Variants in GLT1D1 observed in about 807,000 individuals in gnomAD.
The protein encoded by GLT1D1 is glycosyltransferase 1 domain-containing protein 1.
A neutral mutation model predicts 28.7 loss-of-function variants in GLT1D1; 21 were observed. That is an observed-to-expected ratio of 0.73 (90% CI 0.52 to 1.05). GLT1D1 has a LOEUF of 1.05. Ranked by LOEUF, GLT1D1 falls within the 50% of genes least tolerant of loss-of-function variation. The pLI is 0.00. For missense variants in GLT1D1, 343 were observed against 330.6 expected, an observed-to-expected ratio of 1.04 and a Z score of -0.29; for synonymous variants, 147 against 124.8, an observed-to-expected ratio of 1.18 and a Z score of -1.19.
intron 4 of GLT1D1, among the ~76,000 whole-genome samples, chr12:128,914,029 G>C (rs892677): frequency 0.052 from 7,924 of 152,234 alleles, 650 homozygotes; most frequent in African/African-American, 0.18. Context: ...CGATTATGCA[G>C]GTGGATTTTG....
rs772728534 is a variant in GLT1D1, at chr12:128,971,858, C to T, written c.640-11071C>T. Among the ~76,000 whole-genome samples the T allele has an allele frequency of 1.5e-4, 11 of 75,036 alleles. 1 individual carries two copies. The highest frequency in any genetic ancestry group is 5.5e-4 in the Admixed American group (4 of 7,296). The allele number at this position is 75,036 out of a possible 152,430, so 49.2% of individuals were successfully genotyped here. The stretch of plus-strand genomic sequence containing the variant: ...CTCCCTCCCTTCCTCTCTCCCTTCC[C>T]CCCTCCCTCCTCCCTCCCTCCTCTC... On this transcript the variant is annotated intron_variant, in intron 7 of 7. Coordinates refer to ENST00000281703, the MANE Select transcript of GLT1D1 (RefSeq NM_144669.3).
chr12:128,919,938 C>A (rs1872480306), intron 4 of GLT1D1, among the ~76,000 whole-genome samples: 3 of 143,332 alleles, frequency 2.1e-5, no homozygotes, highest in South Asian at 2.3e-4. Context: ...AGTTTTATTG[C>A]TTATTTCTCT....
intron 1 of GLT1D1, among the ~76,000 whole-genome samples, chr12:128,874,725 C>G (rs1407907851): frequency 1.3e-5 from 2 of 152,190 alleles, no homozygotes. Flanking sequence ...CTCAAGCAAT[C>G]TGTCTGCCTC....
intron 4 of GLT1D1, among the ~76,000 whole-genome samples, chr12:128,918,229 G>A (rs902519963): frequency 2.6e-5 from 4 of 152,278 alleles, no homozygotes; most frequent in African/African-American, 7.2e-5. Context: ...AACACCGCAT[G>A]TTCTCAACTT....
At chr12:128,919,050 C>T (rs1258492495) in intron 4 of GLT1D1, among the ~76,000 whole-genome samples, 1 of 152,184 alleles carries the variant, frequency 6.6e-6, no homozygotes, top group Non-Finnish European at 1.5e-5. Flanking sequence ...CAGATAACGG[C>T]TTAAGGGTAG....
intron 1 of GLT1D1, among the ~76,000 whole-genome samples, chr12:128,874,055 CCCTCCTTTCTTT>C (rs1156254387): frequency 6.4e-5 from 4 of 62,976 alleles, no homozygotes; most frequent in South Asian, 9.5e-4. Flanking sequence ...CTCCCTCCCT[CCCTCCTTTCTTT>C]CTTTCTTTCT....
chr12:128,963,794 G>A (rs1306336166), intron 7 of GLT1D1, among the ~76,000 whole-genome samples: 1 of 152,222 alleles, frequency 6.6e-6, no homozygotes, highest in East Asian at 1.9e-4. Flanking sequence ...GTGAAGGAAT[G>A]AAACAGAAAG....
chr12:128,926,237 A>ATAATAATAATAATAAT (rs1402574124), intron 4 of GLT1D1, 122 bp from the exon 7 acceptor site: 8 of 284,518 alleles, frequency 2.8e-5, no homozygotes, highest in African/African-American at 1.9e-4. Flanking sequence ...AATAATAATA[A>ATAATAATAATAATAAT]GAGTAGGAGA....
At chr12:128,924,418 C>T (rs1872973783) in intron 4 of GLT1D1, among the ~76,000 whole-genome samples, 1 of 140,560 alleles carries the variant, frequency 7.1e-6, no homozygotes, top group Non-Finnish European at 1.6e-5. Context: ...CAGAGTGAGA[C>T]TTGGTCTCAA....
chr12:128,868,527 G>T (rs901479300), intron 1 of GLT1D1, among the ~76,000 whole-genome samples: 6 of 152,236 alleles, frequency 3.9e-5, no homozygotes, highest in Non-Finnish European at 8.8e-5. Context: ...TTCTGAAGAT[G>T]TAGAGGACTA....
At chr12:128,937,919 G>A (rs2135472859) in intron 4 of GLT1D1, among the ~76,000 whole-genome samples, 1 of 152,280 alleles carries the variant, frequency 6.6e-6, no homozygotes, top group Middle Eastern at 3.4e-3. Context: ...ATGCAGTCTT[G>A]GATGTGTCTT....
At chr12:128,910,264 C>CTTTT (rs11361008) in intron 4 of GLT1D1, among the ~76,000 whole-genome samples, 82 of 114,250 alleles carry the variant, frequency 7.2e-4, no homozygotes, top group Middle Eastern at 4.5e-3. Flanking sequence ...AAGTTTAACT[C>CTTTT]TTTTTTTTTT....
At chr12:128,972,980 C>A (rs927829949) in intron 7 of GLT1D1, among the ~76,000 whole-genome samples, 3 of 152,058 alleles carry the variant, frequency 2.0e-5, no homozygotes. Flanking sequence ...CACCAGGCTG[C>A]CCCATAGGTC....
At chr12:128,927,489 C>T (rs35321534) in intron 4 of GLT1D1, among the ~76,000 whole-genome samples, 24,119 of 151,806 alleles carry the variant, frequency 0.16, 2,393 homozygotes, top group Non-Finnish European at 0.23. Flanking sequence ...CCACACGCCT[C>T]GGCCTCCCAA....
At chr12:128,873,864 CTCCCTCCT>C (rs1489343174) in intron 1 of GLT1D1, among the ~76,000 whole-genome samples, 3 of 119,712 alleles carry the variant, frequency 2.5e-5, no homozygotes, top group Admixed American at 1.7e-4. Flanking sequence ...CCCTCCCTCC[CTCCCTCCT>C]TCCTTCCTTC....
intron 4 of GLT1D1, among the ~76,000 whole-genome samples, chr12:128,931,903 GCACACACACGCACGCACACACACA>G (rs1873934714): frequency 1.5e-5 from 2 of 137,758 alleles, no homozygotes; most frequent in Non-Finnish European, 3.2e-5. Context: ...GAGGATATGT[GCACACACACGCACGCACACACACA>G]CACACACACA....
intron 4 of GLT1D1, among the ~76,000 whole-genome samples, chr12:128,930,998 C>CTTT (rs1237645570): frequency 8.9e-5 from 13 of 145,530 alleles, no homozygotes; most frequent in African/African-American, 3.3e-4. Context: ...TTCTACCACC[C>CTTT]TTTTTTTTTT....
chr12:128,979,676 C>T (rs935287402), intron 7 of GLT1D1, among the ~76,000 whole-genome samples: 2 of 152,106 alleles, frequency 1.3e-5, no homozygotes, highest in Non-Finnish European at 2.9e-5. Flanking sequence ...TCTCTTGAGC[C>T]CAGGAGGCTG....
intron 4 of GLT1D1, among the ~76,000 whole-genome samples, chr12:128,920,761 A>G (rs1872588919): frequency 6.6e-6 from 1 of 152,212 alleles, no homozygotes; most frequent in Non-Finnish European, 1.5e-5. Context: ...GAAGATAAAA[A>G]TACCGTTCTC....
Sources: gnomAD v4.1 joint callset for allele counts (sites outside exome capture counted in the v4.1 genomes callset) on GRCh38, gnomAD v4.1.1 for gene constraint, MANE v1.5 for transcripts, NCBI Gene and HGNC (gene_info 2026-07-23, HGNC 2026-07-21) for gene names.